The following MAP2K6 variants were observed in gnomAD, a reference collection of about 807,000 sequenced individuals.
The protein encoded by MAP2K6 is dual specificity mitogen-activated protein kinase kinase 6.
MAP2K6 carries 16 observed loss-of-function variants against 53.7 expected under a neutral mutation model. That is an observed-to-expected ratio of 0.30 (90% confidence interval 0.20 to 0.45). The LOEUF is 0.45. Ranked by LOEUF, MAP2K6 falls within the 20% of genes least tolerant of loss-of-function variation. The pLI is 1.00. For synonymous variants in MAP2K6, 132 were observed against 143.1 expected (o/e 0.92, Z 0.55); for missense variants, 204 against 411.9 (o/e 0.50, Z 4.37).
chr17:69,419,477 G>C (rs1004644308), intron 1 of MAP2K6, among the ~76,000 whole-genome samples: 1 of 152,046 alleles, frequency 6.6e-6, no homozygotes, highest in Non-Finnish European at 1.5e-5. Flanking sequence ...TTCATCCTGG[G>C]TATAACAATT....
At chr17:69,520,703 C>A in intron 6 of MAP2K6, 1 of 373,722 alleles carries the variant, frequency 2.7e-6, no homozygotes, top group Non-Finnish European at 4.8e-6. Flanking sequence ...TTAAAATGTT[C>A]TCTTGAGACT....
intron 11 of MAP2K6, among the ~76,000 whole-genome samples, chr17:69,538,886 G>A (rs1016126841): frequency 3.3e-5 from 5 of 152,036 alleles, no homozygotes; most frequent in East Asian, 1.9e-4. Flanking sequence ...TGTTTACAAT[G>A]GCTTAATTCA....
chr17:69,443,013 G>C (rs1196096278), intron 1 of MAP2K6, among the ~76,000 whole-genome samples: 1 of 151,926 alleles, frequency 6.6e-6, no homozygotes, highest in Admixed American at 6.6e-5. Flanking sequence ...GAATTTTCCT[G>C]CTTGATTTTC....
At chr17:69,500,370 C>T (rs1307657493) in intron 1 of MAP2K6, among the ~76,000 whole-genome samples, 2 of 141,212 alleles carry the variant, frequency 1.4e-5, no homozygotes, top group African/African-American at 5.3e-5. Context: ...ATTGCTTGAA[C>T]GTGGGAAGCA....
At chr17:69,456,370 G>C (rs547010736) in intron 1 of MAP2K6, among the ~76,000 whole-genome samples, 1 of 152,146 alleles carries the variant, frequency 6.6e-6, no homozygotes, top group Non-Finnish European at 1.5e-5. Flanking sequence ...GGATGGCCTG[G>C]GGTTTGTATT....
At chr17:69,487,428 G>C (rs912205353) in intron 1 of MAP2K6, among the ~76,000 whole-genome samples, 8 of 152,154 alleles carry the variant, frequency 5.3e-5, no homozygotes, top group Non-Finnish European at 2.9e-5. Context: ...ATAAATTCTA[G>C]GTGCTATTAT....
intron 10 of MAP2K6, among the ~76,000 whole-genome samples, chr17:69,533,666 T>C (rs1264619183): frequency 6.6e-6 from 1 of 152,086 alleles, no homozygotes; most frequent in Admixed American, 6.5e-5. Flanking sequence ...GTTCCAGCGA[T>C]AGAGAAGCAT....
At chr17:69,526,791 A>G in intron 10 of MAP2K6, 82 bp downstream of exon 10, 4 of 1,485,232 alleles carry the variant, frequency 2.7e-6, no homozygotes, top group Non-Finnish European at 3.6e-6. Flanking sequence ...GGTTGAATCC[A>G]TCATGCATAC....
chr17:69,419,796 G>A (rs1477384013), intron 1 of MAP2K6, among the ~76,000 whole-genome samples: 2 of 151,922 alleles, frequency 1.3e-5, no homozygotes, highest in Non-Finnish European at 2.9e-5. Flanking sequence ...GCGTGGTGGT[G>A]CACACCTGTA....
Position 69,528,694 on chromosome 17 carries a change from G to T in MAP2K6, c.881+1985G>T, listed in dbSNP as rs1332642042. Among the ~76,000 whole-genome samples the T allele has an allele frequency of 3.3e-5, 5 of 151,580 alleles. No homozygotes were observed. The East Asian group carries it at 9.7e-4, about 29-fold the overall frequency. On this transcript the variant is annotated intron_variant, in intron 10 of 11. Transcript: ENST00000590474. Reference sequence around the variant, plus strand: ...ACCAACATGGTGAAAACCCATCTCTGCTAAAAATACAAAAATTAGCCAAGT... The same window carrying T: ...ACCAACATGGTGAAAACCCATCTCTTCTAAAAATACAAAAATTAGCCAAGT...
intron 4 of MAP2K6, among the ~76,000 whole-genome samples, chr17:69,518,941 T>A (rs1338044053): frequency 6.6e-6 from 1 of 152,208 alleles, no homozygotes; most frequent in East Asian, 1.9e-4. Flanking sequence ...AAAGAAGAGC[T>A]TTTGGCTTTT....
In MAP2K6 at chr17:69,550,395, A is replaced by G. The variant is rs1021111745; in HGVS notation, c.*8642A>G. 1 of 152,222 alleles carries G rather than the reference A, an allele frequency of 6.6e-6. No individual in the cohort carries two copies. The highest frequency in any genetic ancestry group is 1.5e-5 in the Non-Finnish European group (1 of 68,034). 9.4% of individuals were successfully genotyped at this position (152,222 alleles called of 1,614,324 possible). On this transcript the variant is annotated 3_prime_UTR_variant, in exon 12 of 12. Transcript: ENST00000590474. ...TTTTAAGAAAGGTGAATGTTAGAGA[A>G]GGTTACCTGATGAGCAAGCTTCTTT...
intron 1 of MAP2K6, among the ~76,000 whole-genome samples, chr17:69,438,132 G>A (rs1441278475): frequency 6.6e-6 from 1 of 152,200 alleles, no homozygotes; most frequent in African/African-American, 2.4e-5. Context: ...TTTCCGAGGG[G>A]GACAGGAGAC....
rs1912105085 is a variant in MAP2K6 at position 69,551,655 on chromosome 17, G to A, written c.*9902G>A. 1 of 152,180 alleles carries A rather than the reference G, an allele frequency of 6.6e-6. No homozygotes were observed. The highest frequency in any genetic ancestry group is 2.1e-4 in the South Asian group (1 of 4,834). The allele number at this position is 152,180 out of a possible 1,614,324, so 9.4% of individuals were successfully genotyped here. A position where few individuals can be genotyped will look rare whatever the true frequency, so the allele number is the denominator to read the frequency against. ...TGTTTATCTCCTGTATTACCTCTGTGTTTGATTTATTCTTTAGTCTCAAAT... is the reference window on the plus strand; with the variant it reads ...TGTTTATCTCCTGTATTACCTCTGTATTTGATTTATTCTTTAGTCTCAAAT... On this transcript the variant is annotated 3_prime_UTR_variant, in exon 12 of 12. Transcript: ENST00000590474.
At chr17:69,431,583 AAT>A (rs1274925397) in intron 1 of MAP2K6, among the ~76,000 whole-genome samples, 1 of 152,114 alleles carries the variant, frequency 6.6e-6, no homozygotes, top group African/African-American at 2.4e-5. Context: ...CGTTAAGGAG[AAT>A]TTCATGGAGT....
chr17:69,438,001 A>G (rs963003195), intron 1 of MAP2K6, among the ~76,000 whole-genome samples: 4 of 152,264 alleles, frequency 2.6e-5, no homozygotes, highest in Non-Finnish European at 4.4e-5. Flanking sequence ...TAGTATCTGG[A>G]GAGCCGCTGA....
chr17:69,461,318 A>ATG (rs1907616326), intron 1 of MAP2K6, among the ~76,000 whole-genome samples: 1 of 152,118 alleles, frequency 6.6e-6, no homozygotes, highest in South Asian at 2.1e-4. Context: ...TTTCTAAACC[A>ATG]CTCACCTGCC....
At chr17:69,498,719 G>A (rs905268225) in intron 1 of MAP2K6, among the ~76,000 whole-genome samples, 1 of 151,824 alleles carries the variant, frequency 6.6e-6, no homozygotes, top group African/African-American at 2.4e-5. Flanking sequence ...GGACCACTGA[G>A]CCAATGTCTT....
intron 1 of MAP2K6, among the ~76,000 whole-genome samples, chr17:69,443,190 C>T (rs574162386): frequency 6.6e-6 from 1 of 152,150 alleles, no homozygotes; most frequent in African/African-American, 2.4e-5. Flanking sequence ...TGTCCATTTC[C>T]CCTCCTTCCC....
Sources: gnomAD v4.1 joint callset for allele counts (sites outside exome capture counted in the v4.1 genomes callset) on GRCh38, gnomAD v4.1.1 for gene constraint, MANE v1.5 for transcripts, NCBI Gene and HGNC (gene_info 2026-07-23, HGNC 2026-07-21) for gene names.